SLCO6A1: variants seen among roughly 807,000 people sequenced by gnomAD.
The protein encoded by SLCO6A1 is cancer/testis antigen 48.
Under a neutral mutation model 72.7 loss-of-function variants are expected in SLCO6A1, and 65 were observed. That is an observed-to-expected ratio of 0.89 (90% CI 0.73 to 1.10). The LOEUF (loss-of-function observed/expected upper bound fraction) is 1.10. Among genes scored for constraint, SLCO6A1 ranks in the 50% least tolerant of loss-of-function variants. The pLI is 0.00. For synonymous variants in SLCO6A1, 314 were observed against 298.2 expected (o/e 1.05, Z -0.55); for missense variants, 874 against 872.6 (o/e 1.00, Z -0.02).
intron 7 of SLCO6A1, 115 bp downstream of exon 7, chr5:102,438,502 C>A: frequency 1.2e-6 from 1 of 811,838 alleles, no homozygotes; most frequent in Non-Finnish European, 1.8e-6. Flanking sequence ...AAAATCTGCA[C>A]AAATCATATC....
intron 7 of SLCO6A1, among the ~76,000 whole-genome samples, chr5:102,432,040 T>C (rs1225365454): frequency 1.3e-5 from 2 of 152,224 alleles, no homozygotes; most frequent in East Asian, 1.9e-4. Context: ...AAATTAGAAT[T>C]GCAACCCCTT....
intron 1 of SLCO6A1, among the ~76,000 whole-genome samples, chr5:102,486,992 C>T (rs1441231666): frequency 1.3e-5 from 2 of 152,066 alleles, no homozygotes; most frequent in East Asian, 3.9e-4. Flanking sequence ...TGATATAAAG[C>T]TGGCATTATC....
intron 6 of SLCO6A1, among the ~76,000 whole-genome samples, chr5:102,453,149 A>G (rs975537121): frequency 6.6e-6 from 1 of 152,092 alleles, no homozygotes; most frequent in Admixed American, 6.6e-5. Context: ...TATCTCACAT[A>G]AGCCCAGTTC....
intron 7 of SLCO6A1, among the ~76,000 whole-genome samples, chr5:102,428,658 C>T (rs1179074442): frequency 6.6e-6 from 1 of 152,060 alleles, no homozygotes; most frequent in Non-Finnish European, 1.5e-5. Flanking sequence ...CTACCACCCT[C>T]CACCCTCAGG....
intron 9 of SLCO6A1, among the ~76,000 whole-genome samples, chr5:102,401,399 G>A (rs1747391528): frequency 6.6e-6 from 1 of 152,080 alleles, no homozygotes; most frequent in Admixed American, 6.6e-5. Context: ...TTAGTGATGT[G>A]AAGTCATTGG....
At chr5:102,485,238 C>G (rs1057037212) in intron 1 of SLCO6A1, among the ~76,000 whole-genome samples, 1 of 148,308 alleles carries the variant, frequency 6.7e-6, no homozygotes, top group Non-Finnish European at 1.5e-5. Context: ...GCAACAAGAG[C>G]GAAACTCCAT....
chr5:102,413,748 G>A (rs566179928), intron 8 of SLCO6A1, among the ~76,000 whole-genome samples: 3 of 152,162 alleles, frequency 2.0e-5, no homozygotes, highest in East Asian at 1.9e-4. Flanking sequence ...TAAGAGTTTC[G>A]TTTGTTCTCC....
intron 6 of SLCO6A1, among the ~76,000 whole-genome samples, chr5:102,450,024 T>C (rs1750331214): frequency 6.6e-6 from 1 of 152,218 alleles, no homozygotes; most frequent in Admixed American, 6.5e-5. Flanking sequence ...TAAGCTTTCA[T>C]CACTTTCATC....
chr5:102,387,938 A>G (rs1301066412), intron 12 of SLCO6A1, among the ~76,000 whole-genome samples: 3 of 152,180 alleles, frequency 2.0e-5, no homozygotes, highest in Non-Finnish European at 2.9e-5. Flanking sequence ...CTTTGACCAC[A>G]TCTCATACCA....
At chr5:102,374,918 G>T (rs1390671008) in intron 12 of SLCO6A1, among the ~76,000 whole-genome samples, 1 of 152,134 alleles carries the variant, frequency 6.6e-6, no homozygotes, top group East Asian at 1.9e-4. Flanking sequence ...TCTGTTTAAA[G>T]ACTTGATAGA....
intron 6 of SLCO6A1, among the ~76,000 whole-genome samples, chr5:102,454,965 A>G (rs1271354398): frequency 6.8e-6 from 1 of 146,668 alleles, no homozygotes. Context: ...TACAACATAC[A>G]CATTTGTTTT....
intron 1 of SLCO6A1, among the ~76,000 whole-genome samples, chr5:102,491,060 A>C (rs1752653213): frequency 6.6e-6 from 1 of 152,122 alleles, no homozygotes; most frequent in Non-Finnish European, 1.5e-5. Context: ...TCCCTGAGCT[A>C]GACACAAAGG....
At chr5:102,410,939 A>G in intron 9 of SLCO6A1, among the ~76,000 whole-genome samples, 1 of 152,194 alleles carries the variant, frequency 6.6e-6, no homozygotes, top group Admixed American at 6.5e-5. Context: ...GCAGAAAGAG[A>G]AACAGCAAAA....
intron 10 of SLCO6A1, among the ~76,000 whole-genome samples, chr5:102,391,928 G>A (rs1453342735): frequency 4.6e-5 from 7 of 151,534 alleles, no homozygotes; most frequent in Admixed American, 4.0e-4. Context: ...ATGTATAACC[G>A]TACATATTAG....
chr5:102,455,799 C>A (rs917372417), intron 6 of SLCO6A1, among the ~76,000 whole-genome samples: 1 of 152,056 alleles, frequency 6.6e-6, no homozygotes, highest in Non-Finnish European at 1.5e-5. Context: ...TTTTTATTAT[C>A]TGTAAAGTGA....
At chr5:102,394,770 A>T (rs1746969005) in intron 10 of SLCO6A1, among the ~76,000 whole-genome samples, 1 of 152,082 alleles carries the variant, frequency 6.6e-6, no homozygotes, top group African/African-American at 2.4e-5. Flanking sequence ...AAATATAGAG[A>T]TATACATTTA....
chr5:102,476,882 ATAGT>A lies in SLCO6A1; in HGVS notation c.802+790_802+793del, dbSNP rs369770072. Among the ~76,000 whole-genome samples, 749 of 152,178 alleles carry A rather than the reference ATAGT, an allele frequency of 4.9e-3. 6 individuals are homozygous for A. The highest frequency in any genetic ancestry group is 0.031 in the Middle Eastern group (9 of 288). Reference sequence around the variant, plus strand: ...AACTTTAAATTTATTTTCAAAAGTGATAGTTAGATAACCCTGTACAAATAGATGA... The same window carrying A: ...AACTTTAAATTTATTTTCAAAAGTGATAGATAACCCTGTACAAATAGATGA... On this transcript the variant is annotated intron_variant, in intron 3 of 13. Transcript: ENST00000506729.
intron 9 of SLCO6A1, among the ~76,000 whole-genome samples, chr5:102,403,984 C>G (rs1179067774): frequency 1.3e-5 from 2 of 152,066 alleles, no homozygotes; most frequent in Non-Finnish European, 2.9e-5. Context: ...CTAGTCATCT[C>G]TGAAAGGTTT....
intron 9 of SLCO6A1, among the ~76,000 whole-genome samples, chr5:102,412,006 A>G (rs550401074): frequency 2.0e-5 from 3 of 152,284 alleles, no homozygotes; most frequent in Non-Finnish European, 4.4e-5. Flanking sequence ...AGACTTCAAA[A>G]GAACCTTGGT....
Sources: allele counts gnomAD v4.1 joint callset (sites outside exome capture counted in the v4.1 genomes callset), GRCh38; gene constraint gnomAD v4.1.1; transcripts MANE v1.5; gene names NCBI Gene and HGNC (gene_info 2026-07-23, HGNC 2026-07-21).